CNTNAP2: variants seen among roughly 807,000 people sequenced by gnomAD.
CNTNAP2 encodes the protein contactin associated protein 2, also known as contactin-associated protein-like 2.
Under a neutral mutation model 155.2 loss-of-function variants are expected in CNTNAP2, and 98 were observed. That is an observed-to-expected ratio of 0.63 (90% CI 0.54 to 0.75). The LOEUF (loss-of-function observed/expected upper bound fraction) is 0.75, where lower values mean the gene tolerates loss of function less well. Among genes scored for constraint, CNTNAP2 ranks in the 30% least tolerant of loss-of-function variants. The pLI, the probability that CNTNAP2 is intolerant of heterozygous loss-of-function variation, is 0.00. For synonymous variants in CNTNAP2, 651 were observed against 631.2 expected, an observed-to-expected ratio of 1.03 and a Z score of -0.47; for missense variants, 1,727 against 1,688.1, an observed-to-expected ratio of 1.02 and a Z score of -0.40.
intron 21 of CNTNAP2, among the ~76,000 whole-genome samples, chr7:148,277,160 G>T (rs74862469): frequency 6.6e-6 from 1 of 152,244 alleles, no homozygotes; most frequent in Non-Finnish European, 1.5e-5. Context: ...TAATGATACC[G>T]TGGGCAGGGA....
At chr7:147,475,463 T>C (rs1246750387) in intron 10 of CNTNAP2, among the ~76,000 whole-genome samples, 1 of 152,102 alleles carries the variant, frequency 6.6e-6, no homozygotes, top group Non-Finnish European at 1.5e-5. Flanking sequence ...AGTTATGTGT[T>C]TTTTTTTCTG....
chr7:147,679,651 A>C (rs1057332375), intron 13 of CNTNAP2, among the ~76,000 whole-genome samples: 1 of 151,854 alleles, frequency 6.6e-6, no homozygotes, highest in Admixed American at 6.6e-5. Flanking sequence ...AAATCTCTTG[A>C]TGTGCCACAT....
intron 8 of CNTNAP2, among the ~76,000 whole-genome samples, chr7:147,286,785 C>G (rs577379935): frequency 3.7e-4 from 56 of 152,220 alleles, no homozygotes; most frequent in Non-Finnish European, 7.2e-4. Context: ...CCTTTCCATT[C>G]ACCTACCATA....
chr7:146,923,829 C>T (rs982288686), intron 3 of CNTNAP2, among the ~76,000 whole-genome samples: 1 of 152,040 alleles, frequency 6.6e-6, no homozygotes, highest in Non-Finnish European at 1.5e-5. Context: ...AAGTGTAGTG[C>T]CTGGATAAAC....
At chr7:146,339,462 A>G (rs951494850) in intron 1 of CNTNAP2, among the ~76,000 whole-genome samples, 1 of 152,182 alleles carries the variant, frequency 6.6e-6, no homozygotes, top group Non-Finnish European at 1.5e-5. Flanking sequence ...GATAATTTTC[A>G]TATTCATAGA....
At chr7:148,031,152 C>A (rs556191531) in intron 15 of CNTNAP2, among the ~76,000 whole-genome samples, 32 of 152,246 alleles carry the variant, frequency 2.1e-4, no homozygotes, top group Admixed American at 9.8e-4. Context: ...GGCTCCTTAC[C>A]CTTCCACAGA....
At chr7:146,821,961 C>T (rs1261018200) in intron 2 of CNTNAP2, among the ~76,000 whole-genome samples, 1 of 151,698 alleles carries the variant, frequency 6.6e-6, no homozygotes, top group Non-Finnish European at 1.5e-5. Context: ...ACCCAGCCAT[C>T]CCATTACTGG....
chr7:147,575,371 G>GGGGT (rs1175663282), intron 12 of CNTNAP2, among the ~76,000 whole-genome samples: 9 of 95,880 alleles, frequency 9.4e-5, no homozygotes, highest in African/African-American at 3.3e-4. Flanking sequence ...TAGCTTTAGG[G>GGGGT]GTGTGTGTGT....
chr7:146,604,789 T>C (rs1332998329), intron 1 of CNTNAP2, among the ~76,000 whole-genome samples: 1 of 143,046 alleles, frequency 7.0e-6, no homozygotes, highest in African/African-American at 2.5e-5. Flanking sequence ...ATGGATGAAA[T>C]TGGAAATCAT....
In CNTNAP2 at chr7:148,335,783, A is replaced by T. The variant is rs137868162; in HGVS notation, c.3476-47866A>T. Among the ~76,000 whole-genome samples, 57 of 152,258 alleles carry T rather than the reference A, an allele frequency of 3.7e-4. 1 individual carries two copies. Among genetic ancestry groups the T allele is most frequent in the Admixed American group, 3.1e-3 (47 of 15,298 alleles). On this transcript the variant is annotated intron_variant, in intron 21 of 23. Transcript: ENST00000361727. ...AGAGACAATTTGCTAAACTTTCTAG[A>T]TTTTTATTTACTTAACATTGCCTTA... is the stretch of plus-strand genomic sequence containing the variant.
intron 8 of CNTNAP2, among the ~76,000 whole-genome samples, chr7:147,156,896 C>T (rs998387404): frequency 2.0e-5 from 3 of 152,078 alleles, no homozygotes; most frequent in African/African-American, 4.8e-5. Flanking sequence ...CCTTTGATAT[C>T]ACACAACTCT....
chr7:146,742,938 G>T lies in CNTNAP2; in HGVS notation c.98-31333G>T, dbSNP rs185048696. ...CATAAAGAAGACTAAAATTCTAAAG[G>T]TTGAATAGCCTTCATTTTTTTAAAA... On this transcript the variant is annotated intron_variant, in intron 1 of 23. Coordinates refer to ENST00000361727, the MANE Select transcript of CNTNAP2 (RefSeq NM_014141.6). Among the ~76,000 whole-genome samples the T allele has an allele frequency of 4.3e-4, 66 of 152,040 alleles. 1 individual carries two copies. Among genetic ancestry groups the T allele is most frequent in the Middle Eastern group, 3.4e-3 (1 of 292 alleles).
chr7:147,897,349 T>G (rs1799793653), intron 13 of CNTNAP2, among the ~76,000 whole-genome samples: 1 of 152,190 alleles, frequency 6.6e-6, no homozygotes, highest in African/African-American at 2.4e-5. Flanking sequence ...TCATTGGTTA[T>G]TTGAGGTATG....
At chr7:146,942,507 G>T (rs532434850) in intron 3 of CNTNAP2, among the ~76,000 whole-genome samples, 2 of 152,052 alleles carry the variant, frequency 1.3e-5, no homozygotes, top group African/African-American at 4.8e-5. Flanking sequence ...CAAAATGATT[G>T]TAACTGTTAT....
chr7:147,030,147 A>G lies in CNTNAP2; in HGVS notation c.403-13760A>G, dbSNP rs1472452850. Among the ~76,000 whole-genome samples the G allele has an allele frequency of 2.6e-5, 4 of 152,320 alleles. No homozygotes were observed. In the East Asian group the frequency reaches 5.8e-4, roughly 22 times the overall value. ...TCTATCTGCATCAAAAGTGTTGGTT[A>G]CTGCTATAAATTTGTGTTTACTGAG... On this transcript the variant is annotated intron_variant, in intron 3 of 23. Coordinates refer to ENST00000361727, the MANE Select transcript of CNTNAP2 (RefSeq NM_014141.6).
chr7:146,255,078 T>A (rs1799817704), intron 1 of CNTNAP2, among the ~76,000 whole-genome samples: 1 of 152,084 alleles, frequency 6.6e-6, no homozygotes, highest in South Asian at 2.1e-4. Flanking sequence ...GGTAGAATAA[T>A]TCAGATCTCA....
At chr7:148,375,412 C>T (rs559792312) in intron 21 of CNTNAP2, among the ~76,000 whole-genome samples, 3 of 149,406 alleles carry the variant, frequency 2.0e-5, no homozygotes, top group East Asian at 1.9e-4. Context: ...CAGGCTTGAG[C>T]GCAATGCCGT....
chr7:146,710,691 A>G (rs945704547), intron 1 of CNTNAP2, among the ~76,000 whole-genome samples: 4 of 152,118 alleles, frequency 2.6e-5, no homozygotes, highest in Non-Finnish European at 5.9e-5. Flanking sequence ...AGTCTTTTAC[A>G]TATAATTTGG....
At chr7:148,198,837 T>C (rs1795321599) in intron 18 of CNTNAP2, among the ~76,000 whole-genome samples, 1 of 152,232 alleles carries the variant, frequency 6.6e-6, no homozygotes, top group Non-Finnish European at 1.5e-5. Flanking sequence ...CGTAGAAAAC[T>C]CCTTCTCACC....
Sources: gnomAD v4.1 joint callset for allele counts (sites outside exome capture counted in the v4.1 genomes callset) on GRCh38, gnomAD v4.1.1 for gene constraint, MANE v1.5 for transcripts, NCBI Gene and HGNC (gene_info 2026-07-23, HGNC 2026-07-21) for gene names.